Variants in PLPPR5 observed in about 807,000 individuals in gnomAD.
PLPPR5 encodes phospholipid phosphatase related 5.
Under a neutral mutation model 33.9 loss-of-function variants are expected in PLPPR5, and 16 were observed. The ratio of observed to expected loss-of-function variants is 0.47; its 90% CI spans 0.32 to 0.72. The LOEUF (loss-of-function observed/expected upper bound fraction) is 0.72, where lower values mean the gene tolerates loss of function less well. Ranked by LOEUF, PLPPR5 falls within the 30% of genes least tolerant of loss-of-function variation. The probability of loss-of-function intolerance (pLI) is 0.03; values close to 1 mark genes in which losing one functional copy is unlikely to be tolerated. For synonymous variants in PLPPR5, 163 were observed against 150.3 expected, an observed-to-expected ratio of 1.08 and a Z score of -0.62; for missense variants, 301 against 406.7, an observed-to-expected ratio of 0.74 and a Z score of 2.23.
At chr1:98,899,833 T>C (rs887793543) in intron 5 of PLPPR5, among the ~76,000 whole-genome samples, 2 of 152,038 alleles carry the variant, frequency 1.3e-5, no homozygotes, top group Non-Finnish European at 2.9e-5. Flanking sequence ...TAATTGTTTG[T>C]TTCACTTTAA....
At position 99,001,669 on chromosome 1, in the gene PLPPR5, A is replaced by AAGATATATATATATATAT. The variant is rs1446772167; in HGVS notation, c.237+2748_237+2765dup. ...GAACTAGAAATGAGTTTGAAAGTTA[A>AAGATATATATATATATAT]AGATATATATATATATATATATATA... On this transcript the variant is annotated intron_variant, in intron 1 of 5. Transcript: ENST00000263177. Among the ~76,000 whole-genome samples the AAGATATATATATATATAT allele has an allele frequency of 8.6e-4, 55 of 64,300 alleles. 1 individual carries two copies. The highest frequency in any genetic ancestry group is 1.4e-3 in the Non-Finnish European group (46 of 33,490). 42.2% of individuals were successfully genotyped at this position (64,300 alleles called of 152,430 possible).
At chr1:98,903,871 C>T (rs1315473888) in intron 5 of PLPPR5, among the ~76,000 whole-genome samples, 1 of 152,200 alleles carries the variant, frequency 6.6e-6, no homozygotes, top group African/African-American at 2.4e-5. Flanking sequence ...TCCAAGCTCT[C>T]TGTCCACCCA....
Position 98,890,985 on chromosome 1 carries a change from G to A in PLPPR5, c.*2087C>T, listed in dbSNP as rs943154984. 5.3e-5 allele frequency: 8 copies of A among 152,118 alleles called. No homozygotes were observed. Among genetic ancestry groups the A allele is most frequent in the African/African-American group, 1.9e-4 (8 of 41,420 alleles). 9.4% of individuals were successfully genotyped at this position (152,118 alleles called of 1,614,324 possible). A position where few individuals can be genotyped will look rare whatever the true frequency, so the allele number is the denominator to read the frequency against. The stretch of plus-strand genomic sequence containing the variant: ...GAAAAACATTCCTGCTTGGCTGCTT[G>A]GAAGTCTGATGTAGAATCAATAGAA... On this transcript the variant is annotated 3_prime_UTR_variant, in exon 6 of 6. Transcript: ENST00000263177.
At chr1:99,005,121 G>T (rs993406378), upstream of PLPPR5, 59 of 152,344 alleles carry the variant, frequency 3.9e-4, 1 homozygote, top group Non-Finnish European at 8.2e-4. Flanking sequence ...CCCCTCACAG[G>T]GCGGACGCTG....
intron 1 of PLPPR5, among the ~76,000 whole-genome samples, chr1:98,988,347 T>C (rs960568576): frequency 3.3e-5 from 5 of 152,160 alleles, no homozygotes; most frequent in African/African-American, 1.2e-4. Context: ...GGTCTTACTC[T>C]AATTATCTTT....
At chr1:98,993,777 A>C (rs1045155705) in intron 1 of PLPPR5, among the ~76,000 whole-genome samples, 1 of 152,070 alleles carries the variant, frequency 6.6e-6, no homozygotes, top group Non-Finnish European at 1.5e-5. Context: ...TATGAACCCC[A>C]ATGTGAGAAA....
chr1:98,921,963 G>A lies in PLPPR5; in HGVS notation c.717C>T (p.Leu239=). The A allele has an allele frequency of 9.9e-6, 16 of 1,613,948 alleles. No individual in the cohort carries two copies. Among genetic ancestry groups the A allele is most frequent in the Non-Finnish European group, 1.4e-5 (16 of 1,179,936 alleles). The part of the protein sequence containing the change: ...GLMCLAFLTG[L]NRVAEYRNHW... Reference sequence around the variant, plus strand: ...GATTTCGATATTCTGCTACTCTGTTGAGTCCAGTAAGAAATGCCAAACACA... The same window carrying A: ...GATTTCGATATTCTGCTACTCTGTTAAGTCCAGTAAGAAATGCCAAACACA... The change falls in exon 4 of 6, where the codon CTC becomes CTT. Residue 239 remains leucine, a synonymous_variant. Transcript: ENST00000263177.
chr1:98,932,750 A>G (rs1375933694), intron 3 of PLPPR5, among the ~76,000 whole-genome samples: 5 of 152,230 alleles, frequency 3.3e-5, no homozygotes, highest in African/African-American at 1.2e-4. Context: ...TTAGTTGGTT[A>G]TAATGAGTGG....
At chr1:98,994,332 T>A (rs1361375295) in intron 1 of PLPPR5, among the ~76,000 whole-genome samples, 1 of 152,086 alleles carries the variant, frequency 6.6e-6, no homozygotes, top group African/African-American at 2.4e-5. Context: ...CTTTCCACAC[T>A]GTTTCAATTC....
At chr1:98,985,064 A>T (rs1652204365) in intron 1 of PLPPR5, among the ~76,000 whole-genome samples, 1 of 152,060 alleles carries the variant, frequency 6.6e-6, no homozygotes, top group Non-Finnish European at 1.5e-5. Context: ...CTGACCTTTG[A>T]CCATTTTGTC....
rs150250242 is a variant in PLPPR5, at chr1:98,971,435, A to C, written c.238-14694T>G. Reference sequence around the variant, plus strand: ...AAAGTATGACTACACTATCTCTTTCACATATAACTTACTCAGTTTTTATCT... The same window carrying C: ...AAAGTATGACTACACTATCTCTTTCCCATATAACTTACTCAGTTTTTATCT... On this transcript the variant is annotated intron_variant, in intron 1 of 5. Transcript: ENST00000263177. Among the ~76,000 whole-genome samples the C allele has an allele frequency of 2.9e-3, 436 of 152,106 alleles. 2 individuals carry two copies. Among genetic ancestry groups the C allele is most frequent in the South Asian group, 0.017 (82 of 4,818 alleles).
chr1:98,911,011 AT>A (rs1415982400), intron 5 of PLPPR5, among the ~76,000 whole-genome samples: 1 of 151,838 alleles, frequency 6.6e-6, no homozygotes, highest in African/African-American at 2.4e-5. Flanking sequence ...AGAGAAAGCT[AT>A]TGTAGGCTTT....
At chr1:98,893,870 T>G (rs1648374052) in intron 5 of PLPPR5, among the ~76,000 whole-genome samples, 1 of 152,008 alleles carries the variant, frequency 6.6e-6, no homozygotes. Flanking sequence ...CTACCCATTT[T>G]AAATGTGTTT....
At chr1:98,914,701 G>A in intron 5 of PLPPR5, 85 bp downstream of exon 5, 1 of 1,227,848 alleles carries the variant, frequency 8.1e-7, no homozygotes, top group Middle Eastern at 2.1e-4. Flanking sequence ...AACATAAACT[G>A]TGTGGACATG....
chr1:98,895,134 A>C (rs1316918114), intron 5 of PLPPR5, among the ~76,000 whole-genome samples: 1 of 152,024 alleles, frequency 6.6e-6, no homozygotes, highest in Non-Finnish European at 1.5e-5. Flanking sequence ...TTCTAAGGCA[A>C]CAGTGTTGAT....
chr1:98,905,388 T>A (rs1221383902), intron 5 of PLPPR5, among the ~76,000 whole-genome samples: 1 of 152,156 alleles, frequency 6.6e-6, no homozygotes, highest in Admixed American at 6.6e-5. Flanking sequence ...CTTTTTGACA[T>A]GTGTGTTGTT....
intron 3 of PLPPR5, among the ~76,000 whole-genome samples, chr1:98,929,394 T>C (rs1325412440): frequency 6.6e-6 from 1 of 152,234 alleles, no homozygotes; most frequent in Non-Finnish European, 1.5e-5. Context: ...AAGCTCCTTA[T>C]TGTATTTGAA....
intron 1 of PLPPR5, among the ~76,000 whole-genome samples, chr1:98,988,301 A>T (rs779158542): frequency 2.1e-4 from 32 of 152,246 alleles, no homozygotes; most frequent in Non-Finnish European, 1.0e-4. Flanking sequence ...ATTCAGGCCA[A>T]GTTTAATGAG....
At chr1:98,918,970 A>C (rs1478012672) in intron 4 of PLPPR5, among the ~76,000 whole-genome samples, 1 of 152,252 alleles carries the variant, frequency 6.6e-6, no homozygotes, top group East Asian at 1.9e-4. Flanking sequence ...CAGGGAGCTT[A>C]CATTCTAGTG....
Sources: gnomAD v4.1 joint callset for allele counts (sites outside exome capture counted in the v4.1 genomes callset) on GRCh38, gnomAD v4.1.1 for gene constraint, MANE v1.5 for transcripts, NCBI Gene and HGNC (gene_info 2026-07-23, HGNC 2026-07-21) for gene names.